The following DOT1L variants were observed in gnomAD, a reference collection of about 807,000 sequenced individuals.
DOT1L encodes the protein DOT1 like histone lysine methyltransferase.
DOT1L carries 33 observed loss-of-function variants against 153.3 expected under a neutral mutation model. The ratio of observed to expected loss-of-function variants is 0.22; its 90% CI spans 0.16 to 0.29. The LOEUF is 0.29. Ranked by LOEUF, DOT1L falls within the 10% of genes least tolerant of loss-of-function variation. The pLI is 1.00. For synonymous variants in DOT1L, 1,135 were observed against 965.1 expected (o/e 1.18, Z -3.26); for missense variants, 1,847 against 2,119.9 (o/e 0.87, Z 2.53).
chr19:2,202,778 A>G lies in DOT1L; in HGVS notation c.786A>G (p.Glu262=). The change falls in exon 9 of 28, where the codon GAA becomes GAG. Residue 262 remains glutamate (E), a splice_region_variant and synonymous_variant. Coordinates refer to ENST00000398665, the MANE Select transcript of DOT1L (RefSeq NM_032482.3). The part of the protein sequence containing the change: ...QLKERFANMK[E]GGRIVSSKPF... ...AGGAGCGGTTTGCAAACATGAAGGAAGGTAAGGCGCCCTCCTCGCCGGTCT... is the reference window on the plus strand; with the variant it reads ...AGGAGCGGTTTGCAAACATGAAGGAGGGTAAGGCGCCCTCCTCGCCGGTCT... The G allele has an allele frequency of 6.2e-7, 1 of 1,614,230 alleles. No homozygotes were observed. The highest frequency in any genetic ancestry group is 8.5e-7 in the Non-Finnish European group (1 of 1,180,034).
intron 8 of DOT1L, among the ~76,000 whole-genome samples, chr19:2,201,567 C>A (rs2144788861): frequency 6.6e-6 from 1 of 152,306 alleles, no homozygotes; most frequent in East Asian, 1.9e-4. Flanking sequence ...TGTGAACTTC[C>A]ATTTGGGTTG....
At chr19:2,202,662 G>A (rs894714744) in intron 8 of DOT1L, 38 bp from the exon 9 acceptor site, 7 of 1,601,224 alleles carry the variant, frequency 4.4e-6, no homozygotes, top group Non-Finnish European at 4.3e-6. Context: ...CCCGTGAGAC[G>A]AGCCTTCATG....
In DOT1L at chr19:2,210,736, G is replaced by A. The variant is rs1238067958; in HGVS notation, c.1232G>A (p.Arg411His). 2 of 1,613,164 alleles carry A rather than the reference G, an allele frequency of 1.2e-6. No homozygotes were observed. Among genetic ancestry groups the A allele is most frequent in the Admixed American group, 1.7e-5 (1 of 60,026 alleles). Residue 411 changes from arginine to histidine, a missense_variant, in exon 14 of 28, where the codon CGC becomes CAC. Physicochemically the swap from Arg to His is conservative, Grantham distance 29. Transcript: ENST00000398665. ...KKGRKMAGRK[R>H]GRPKKMNTAN... ...GGGAGGAAGATGGCTGGCCGCAAGC[G>A]CGGGCGCCCCAAGAAGATGAACACT...
intron 7 of DOT1L, among the ~76,000 whole-genome samples, 157 bp downstream of exon 7, chr19:2,194,734 G>A (rs887192806): frequency 3.3e-5 from 5 of 151,972 alleles, no homozygotes; most frequent in East Asian, 1.9e-4. Context: ...CTGCCTGGGC[G>A]TGGCGTCTGA....
chr19:2,191,025 C>T lies in DOT1L; in HGVS notation c.278C>T (p.Thr93Met), dbSNP rs1449424439. ...CTCCGTCCGCAGTGGAAGGGCACCA[C>T]GCAGCCCATGAAGCTGAACACGCGG... ...DSIHQLWKGT[T>M]QPMKLNTRPS... The change falls in exon 5 of 28, where the codon ACG (threonine) becomes ATG (methionine). Residue 93 changes from threonine (T) to methionine (M), a missense_variant. Coordinates refer to ENST00000398665, the MANE Select transcript of DOT1L (RefSeq NM_032482.3). This position sits in a 1 kb window ranked among gnomAD's most constrained non-coding sequence, Gnocchi z 6.8. 6.2e-7 allele frequency: 1 copy of T among 1,602,698 alleles called. No homozygotes were observed. The highest frequency in any genetic ancestry group is 8.5e-7 in the Non-Finnish European group (1 of 1,176,832).
At chr19:2,221,668 G>A in intron 23 of DOT1L, 2 of 424,228 alleles carry the variant, frequency 4.7e-6, no homozygotes, top group Non-Finnish European at 8.4e-6. Context: ...AACTTACTCA[G>A]AGGAAGCCTA....
intron 1 of DOT1L, among the ~76,000 whole-genome samples, chr19:2,171,826 C>G (rs73514432): frequency 1.3e-5 from 2 of 152,146 alleles, no homozygotes; most frequent in Admixed American, 6.5e-5. Context: ...GCCTCGTTTG[C>G]GGGCTGCAGC....
In DOT1L at chr19:2,227,886, T is replaced by G. The variant is rs1424570058; in HGVS notation, c.4606+759T>G. On this transcript the variant is annotated intron_variant, in intron 27 of 27. Transcript: ENST00000398665. ...GGCCTCTTCCTTTCAGGCCCCGGCCTCGGTTGAGACCCGGCCGCCCCCTCC... is the reference window on the plus strand; with the variant it reads ...GGCCTCTTCCTTTCAGGCCCCGGCCGCGGTTGAGACCCGGCCGCCCCCTCC... 4 of 1,271,614 alleles carry G rather than the reference T, an allele frequency of 3.1e-6. No homozygotes were observed. The South Asian group carries it at 5.0e-5, about 16-fold the overall frequency. The allele number at this position is 1,271,614 out of a possible 1,614,324, so 78.8% of individuals were successfully genotyped here.
intron 25 of DOT1L, among the ~76,000 whole-genome samples, 185 bp from the exon 26 acceptor site, chr19:2,225,203 G>A (rs769590329): frequency 1.3e-5 from 2 of 152,194 alleles, no homozygotes; most frequent in Non-Finnish European, 2.9e-5. Context: ...CACAACAGGG[G>A]TGGATCCCAG....
intron 19 of DOT1L, among the ~76,000 whole-genome samples, chr19:2,215,255 G>A (rs923506581): frequency 2.6e-5 from 4 of 152,216 alleles, no homozygotes; most frequent in African/African-American, 9.7e-5. Flanking sequence ...GACAGAGCCA[G>A]GCCCCATCTG....
intron 1 of DOT1L, among the ~76,000 whole-genome samples, chr19:2,175,912 A>G: frequency 6.6e-6 from 1 of 152,162 alleles, no homozygotes; most frequent in Middle Eastern, 3.2e-3. Context: ...GGAAGCCAGC[A>G]CTGGGCTCTT....
chr19:2,209,634 G>A (rs770696856), intron 12 of DOT1L, among the ~76,000 whole-genome samples: 14 of 152,276 alleles, frequency 9.2e-5, no homozygotes, highest in Non-Finnish European at 1.6e-4. Context: ...CACAGTGGCC[G>A]CCCTGCCCGC....
intron 2 of DOT1L, among the ~76,000 whole-genome samples, chr19:2,182,788 G>A (rs12610361): frequency 6.6e-6 from 1 of 152,178 alleles, no homozygotes; most frequent in African/African-American, 2.4e-5. Flanking sequence ...CCGGATCTCA[G>A]GCAGTGGCGG....
intron 7 of DOT1L, among the ~76,000 whole-genome samples, chr19:2,196,529 C>T (rs529827615): frequency 1.3e-5 from 2 of 152,266 alleles, no homozygotes; most frequent in Admixed American, 6.5e-5. Flanking sequence ...GATGGAGTTT[C>T]ACCATGTTGG....
At chr19:2,167,738 T>TC (rs1374934683) in intron 1 of DOT1L, among the ~76,000 whole-genome samples, 12 of 85,188 alleles carry the variant, frequency 1.4e-4, no homozygotes, top group East Asian at 5.6e-4. Flanking sequence ...TCTTTTCTTT[T>TC]TTTTTTTTTT....
intron 1 of DOT1L, among the ~76,000 whole-genome samples, chr19:2,166,587 T>G (rs2144637992): frequency 6.6e-6 from 1 of 152,030 alleles, no homozygotes; most frequent in South Asian, 2.1e-4. Flanking sequence ...AATTTTGTAT[T>G]TTTAGTAGAT....
chr19:2,167,448 G>C (rs949702241), intron 1 of DOT1L, among the ~76,000 whole-genome samples: 1 of 152,196 alleles, frequency 6.6e-6, no homozygotes, highest in Non-Finnish European at 1.5e-5. Flanking sequence ...TAAATAGTAA[G>C]GGCGAGAGCT....
intron 26 of DOT1L, among the ~76,000 whole-genome samples, chr19:2,225,904 C>A (rs1301059581): frequency 2.0e-5 from 3 of 152,208 alleles, no homozygotes; most frequent in African/African-American, 7.2e-5. Context: ...CTGAGACCCG[C>A]TTCAGCTGCC....
At chr19:2,209,223 C>T (rs2144823082) in intron 12 of DOT1L, among the ~76,000 whole-genome samples, 1 of 152,252 alleles carries the variant, frequency 6.6e-6, no homozygotes, top group African/African-American at 2.4e-5. Context: ...TTTCTCTCAC[C>T]ATTCAATCTC....
Sources: gnomAD v4.1 joint callset for allele counts (sites outside exome capture counted in the v4.1 genomes callset) on GRCh38, gnomAD v4.1.1 for gene constraint, Gnocchi (gnomAD v3.1) non-coding constraint, MANE v1.5 for transcripts, NCBI Gene and HGNC (gene_info 2026-07-23, HGNC 2026-07-21) for gene names.